Variants in HOOK3 observed in about 807,000 individuals in gnomAD.
HOOK3 encodes the protein protein Hook homolog 3.
A neutral mutation model predicts 116.3 loss-of-function variants in HOOK3; 24 were observed. That is an observed-to-expected ratio of 0.21 (90% CI 0.15 to 0.29). HOOK3 has a LOEUF of 0.29. Ranked by LOEUF, HOOK3 falls within the 10% of genes least tolerant of loss-of-function variation. HOOK3 has a pLI of 1.00. For missense variants in HOOK3, 632 were observed against 830.2 expected (o/e 0.76, Z 2.93); for synonymous variants, 275 against 283.0 (o/e 0.97, Z 0.28).
At chr8:42,950,067 A>G (rs181707824) in intron 5 of HOOK3, among the ~76,000 whole-genome samples, 1 of 152,338 alleles carries the variant, frequency 6.6e-6, no homozygotes, top group African/African-American at 2.4e-5. Flanking sequence ...AAAGTAATAC[A>G]GAGATTTTTC....
chr8:42,974,230 C>CT (rs770743481), intron 13 of HOOK3, 36 bp downstream of exon 13: 10,498 of 1,305,040 alleles, frequency 8.0e-3, no homozygotes, highest in Middle Eastern at 0.011. Context: ...CAGATGATTT[C>CT]TTTTTTTTTT....
chr8:42,912,049 C>T (rs980430915), intron 2 of HOOK3, among the ~76,000 whole-genome samples: 9 of 152,142 alleles, frequency 5.9e-5, no homozygotes, highest in Admixed American at 2.6e-4. Flanking sequence ...AATGTGTACC[C>T]TGAGCCTTGA....
intron 2 of HOOK3, among the ~76,000 whole-genome samples, chr8:42,907,016 C>T (rs1180335374): frequency 1.3e-5 from 2 of 152,164 alleles, no homozygotes; most frequent in East Asian, 3.8e-4. Context: ...ACTTTGAAAA[C>T]ATAATAGTTA....
chr8:43,029,698 T>C lies in HOOK3; in HGVS notation c.*11200T>C. On this transcript the variant is annotated 3_prime_UTR_variant, in exon 22 of 22. Transcript: ENST00000307602. ...CATATCTAATAATAATTTGCCTTAG[T>C]TTGATTAATAAATTATATCAAAAAA... The C allele has an allele frequency of 5.1e-6, 1 of 195,664 alleles. No homozygotes were observed. Among genetic ancestry groups the C allele is most frequent in the Non-Finnish European group, 1.1e-5 (1 of 94,146 alleles). 12.1% of individuals were successfully genotyped at this position (195,664 alleles called of 1,614,324 possible).
At chr8:42,993,587 GTTC>G (rs1809208690) in intron 15 of HOOK3, among the ~76,000 whole-genome samples, 1 of 152,154 alleles carries the variant, frequency 6.6e-6, no homozygotes, top group Non-Finnish European at 1.5e-5. Flanking sequence ...ATTGGTATAA[GTTC>G]TTCTTTAAAT....
At chr8:42,988,331 AT>A (rs971234538) in intron 15 of HOOK3, among the ~76,000 whole-genome samples, 14 of 152,260 alleles carry the variant, frequency 9.2e-5, no homozygotes, top group African/African-American at 3.4e-4. Flanking sequence ...TCTGGGCTGT[AT>A]TTTAGCCATT....
At chr8:42,955,160 G>T (rs1808410740) in intron 6 of HOOK3, among the ~76,000 whole-genome samples, 2 of 152,218 alleles carry the variant, frequency 1.3e-5, no homozygotes, top group South Asian at 4.1e-4. Flanking sequence ...CTACTTTTAT[G>T]CAGGTTTGTA....
chr8:43,007,834 C>A lies in HOOK3; in HGVS notation c.1656-13C>A. 1 of 1,545,390 alleles carries A rather than the reference C, an allele frequency of 6.5e-7. No homozygotes were observed. Among genetic ancestry groups the A allele is most frequent in the Non-Finnish European group, 8.8e-7 (1 of 1,130,464 alleles). ...AGAAGCAGTAGTAGGTGATGTTTAC[C>A]TGTTTGTTACAGAGAGAAGCTGCAT... is the stretch of plus-strand genomic sequence containing the variant. On this transcript the variant is annotated splice_polypyrimidine_tract_variant and intron_variant, in intron 17 of 21. Coordinates refer to ENST00000307602, the MANE Select transcript of HOOK3 (RefSeq NM_032410.4).
chr8:42,899,093 G>A (rs1414771297), intron 1 of HOOK3, among the ~76,000 whole-genome samples: 4 of 152,160 alleles, frequency 2.6e-5, no homozygotes, highest in African/African-American at 9.7e-5. Context: ...GTTGGGGACC[G>A]TCTGTATTTG....
intron 17 of HOOK3, among the ~76,000 whole-genome samples, chr8:43,002,406 G>GA (rs1323600908): frequency 6.6e-6 from 1 of 152,182 alleles, no homozygotes; most frequent in East Asian, 1.9e-4. Flanking sequence ...AGACACTCTA[G>GA]ATCATGGGTC....
chr8:42,939,726 C>T (rs1231019457), intron 4 of HOOK3, among the ~76,000 whole-genome samples: 12 of 147,334 alleles, frequency 8.1e-5, no homozygotes, highest in South Asian at 2.2e-4. Context: ...ACTTCTCAGA[C>T]GGGGCGGCTG....
intron 15 of HOOK3, among the ~76,000 whole-genome samples, chr8:42,992,640 C>T (rs1253929613): frequency 7.1e-6 from 1 of 140,578 alleles, no homozygotes; most frequent in Non-Finnish European, 1.5e-5. Flanking sequence ...TGCTTGAATG[C>T]AGGAGGTGGA....
chr8:43,007,769 T>C (rs1809520636), intron 17 of HOOK3, 78 bp from the exon 18 acceptor site: 3 of 765,824 alleles, frequency 3.9e-6, no homozygotes, highest in South Asian at 2.5e-5. Flanking sequence ...AATCCAAATA[T>C]AAGGAACTCA....
chr8:42,984,435 T>C (rs760288588), intron 14 of HOOK3, among the ~76,000 whole-genome samples: 7 of 152,116 alleles, frequency 4.6e-5, no homozygotes, highest in Non-Finnish European at 8.8e-5. Flanking sequence ...TGGAAGTATT[T>C]TGTGTACCTT....
chr8:42,956,140 G>A (rs1808429289), intron 6 of HOOK3, among the ~76,000 whole-genome samples: 1 of 151,834 alleles, frequency 6.6e-6, no homozygotes, highest in East Asian at 1.9e-4. Context: ...CCTGACAGTT[G>A]TCATAACCAG....
intron 8 of HOOK3, among the ~76,000 whole-genome samples, chr8:42,961,001 A>G (rs936813598): frequency 6.6e-6 from 1 of 152,186 alleles, no homozygotes; most frequent in Non-Finnish European, 1.5e-5. Context: ...GAAGCTTCCA[A>G]TCATGGCAGA....
intron 4 of HOOK3, among the ~76,000 whole-genome samples, chr8:42,936,816 A>G (rs1217499542): frequency 6.6e-6 from 1 of 152,258 alleles, no homozygotes; most frequent in East Asian, 1.9e-4. Context: ...GGATTTTTTC[A>G]TCGATGTTCA....
chr8:42,993,242 T>C (rs1172601964), intron 15 of HOOK3, among the ~76,000 whole-genome samples: 2 of 152,186 alleles, frequency 1.3e-5, no homozygotes, highest in Non-Finnish European at 2.9e-5. Context: ...TGCATCAATA[T>C]TCATTAGTTA....
intron 3 of HOOK3, among the ~76,000 whole-genome samples, chr8:42,927,245 G>GTTTTTTTTTTGTTTTTTTTT (rs1389225180): frequency 8.4e-6 from 1 of 119,342 alleles, no homozygotes. Context: ...AATGGCACTG[G>GTTTTTTTTTTGTTTTTTTTT]TTTTTTTTTT....
Sources: gnomAD v4.1 joint callset for allele counts (sites outside exome capture counted in the v4.1 genomes callset) on GRCh38, gnomAD v4.1.1 for gene constraint, MANE v1.5 for transcripts, NCBI Gene and HGNC (gene_info 2026-07-23, HGNC 2026-07-21) for gene names.